Variants in RBPJ observed in about 807,000 individuals in gnomAD.
RBPJ encodes the protein recombination signal binding protein for immunoglobulin kappa J region, also known as recombining binding protein suppressor of hairless.
Under a neutral mutation model 67.8 loss-of-function variants are expected in RBPJ, and 9 were observed. The observed-to-expected ratio is 0.13, with a 90% CI of 0.08 to 0.23. The LOEUF (loss-of-function observed/expected upper bound fraction) is 0.23, where lower values mean the gene tolerates loss of function less well. Ranked by LOEUF, RBPJ falls within the 10% of genes least tolerant of loss-of-function variation. The pLI is 1.00. For synonymous variants in RBPJ, 198 were observed against 203.3 expected, an observed-to-expected ratio of 0.97 and a Z score of 0.22; for missense variants, 305 against 595.6, an observed-to-expected ratio of 0.51 and a Z score of 5.08.
At chr4:26,117,738 C>G in the RBPJ span, among the ~76,000 whole-genome samples, 1 of 152,146 alleles carries the variant, frequency 6.6e-6, no homozygotes, top group African/African-American at 2.4e-5. Flanking sequence ...AGGAGAGATA[C>G]TAATGCTTGG....
Position 26,424,260 on chromosome 4 carries a change from C to T in RBPJ, c.497-82C>T. 1.5e-6 allele frequency: 2 copies of T among 1,313,340 alleles called. No individual in the cohort carries two copies. The highest frequency in any genetic ancestry group is 1.9e-5 in the Admixed American group (1 of 53,848). 81.4% of individuals were successfully genotyped at this position (1,313,340 alleles called of 1,614,324 possible). A position where few individuals can be genotyped will look rare whatever the true frequency, so the allele number is the denominator to read the frequency against. On this transcript the variant is annotated intron_variant, in intron 5 of 10. Coordinates refer to ENST00000355476, the MANE Select transcript of RBPJ (RefSeq NM_015874.6). The surrounding 1 kb of genome is among the most constrained non-coding windows in gnomAD (Gnocchi z 5.3). Reference sequence around the variant, plus strand: ...AATGATAAGAAAGAATAATTATACACTGCCAAGCAGAATTTCCTTCTTTTG... The same window carrying T: ...AATGATAAGAAAGAATAATTATACATTGCCAAGCAGAATTTCCTTCTTTTG...
chr4:26,421,426 C>A (rs1357374659), intron 5 of RBPJ, among the ~76,000 whole-genome samples: 1 of 152,072 alleles, frequency 6.6e-6, no homozygotes, highest in Non-Finnish European at 1.5e-5. Flanking sequence ...GCCTCAGCCT[C>A]CTGAGTAGCT....
intron 1 of RBPJ, among the ~76,000 whole-genome samples, chr4:26,275,141 G>A (rs913281370): frequency 1.5e-4 from 23 of 152,200 alleles, no homozygotes; most frequent in African/African-American, 5.3e-4. Flanking sequence ...CTGAGGCACA[G>A]AGCATTTGCA....
At chr4:26,144,565 C>T in the RBPJ span, among the ~76,000 whole-genome samples, 336 of 152,278 alleles carry the variant, frequency 2.2e-3, 5 homozygotes, top group African/African-American at 8.0e-3. Flanking sequence ...TCACTGCACC[C>T]AGCCTAAAAA....
At position 26,399,280 on chromosome 4, in the gene RBPJ, A is replaced by T. The variant is rs1264934054; in HGVS notation, c.60-6895A>T. The stretch of plus-strand genomic sequence containing the variant: ...TTATGAACTAATTGTCAAATTTATG[A>T]AGAGTTTCTAATCTTTATTTTTCTT... On this transcript the variant is annotated intron_variant, in intron 2 of 10. Transcript: ENST00000355476. Among the ~76,000 whole-genome samples the T allele has an allele frequency of 5.9e-5, 9 of 152,224 alleles. No individual in the cohort carries two copies. In the East Asian group the frequency reaches 1.7e-3, roughly 29 times the overall value.
chr4:26,316,714 C>T (rs1279902167), upstream of RBPJ, among the ~76,000 whole-genome samples: 1 of 144,300 alleles, frequency 6.9e-6, no homozygotes, highest in African/African-American at 2.6e-5. Flanking sequence ...TATATATACA[C>T]ACACACACAT....
the RBPJ span, among the ~76,000 whole-genome samples, chr4:26,156,171 C>T: frequency 6.6e-6 from 1 of 152,012 alleles, no homozygotes; most frequent in Non-Finnish European, 1.5e-5. Context: ...TATAAAAATA[C>T]CTAGTGCACA....
rs539792394 is a variant in RBPJ at position 26,406,129 on chromosome 4, T to C, written c.60-46T>C. The C allele has an allele frequency of 2.5e-5, 31 of 1,234,790 alleles. No homozygotes were observed. The African/African-American group carries it at 4.6e-4, about 18-fold the overall frequency. 76.5% of individuals were successfully genotyped at this position (1,234,790 alleles called of 1,614,324 possible). ...AGCGTAGTAATGATGAAAGATTTCA[T>C]CAAGAATTTCACCTCTGTAACAGTA... On this transcript the variant is annotated intron_variant, in intron 2 of 10. Coordinates refer to ENST00000355476, the MANE Select transcript of RBPJ (RefSeq NM_015874.6).
At position 26,385,042 on chromosome 4, in the gene RBPJ, A is replaced by T. The variant is rs111569255; in HGVS notation, c.21-1311A>T. On this transcript the variant is annotated intron_variant, in intron 1 of 10. Transcript: ENST00000355476. ...TTTCCTCTCGTCTTTCCTCTTTTTGATGGAGTCCTGCTCTGTCTCTCATGC... is the reference window on the plus strand; with the variant it reads ...TTTCCTCTCGTCTTTCCTCTTTTTGTTGGAGTCCTGCTCTGTCTCTCATGC... 2.3e-3 allele frequency among the ~76,000 whole-genome samples: 289 copies of T among 128,370 alleles called. 2 individuals carry two copies. The highest frequency in any genetic ancestry group is 8.3e-3 in the African/African-American group (277 of 33,200). The allele number at this position is 128,370 out of a possible 152,430, so 84.2% of individuals were successfully genotyped here. A position where few individuals can be genotyped will look rare whatever the true frequency, so the allele number is the denominator to read the frequency against.
the RBPJ span, among the ~76,000 whole-genome samples, chr4:26,143,688 A>T: frequency 6.6e-6 from 1 of 152,212 alleles, no homozygotes; most frequent in African/African-American, 2.4e-5. Context: ...GCACTTTGGG[A>T]GGCCAAGGCA....
At chr4:26,299,573 G>A (rs1237848820) in intron 1 of RBPJ, among the ~76,000 whole-genome samples, 1 of 151,434 alleles carries the variant, frequency 6.6e-6, no homozygotes, top group Non-Finnish European at 1.5e-5. Context: ...AAAGATTTTC[G>A]GCATATAAAT....
At chr4:26,176,393 C>T (rs1716796578) in intron 1 of RBPJ, among the ~76,000 whole-genome samples, 1 of 152,062 alleles carries the variant, frequency 6.6e-6, no homozygotes, top group African/African-American at 2.4e-5. Flanking sequence ...CACAAGAATC[C>T]AAGTCTTAAA....
At chr4:26,185,852 C>G (rs1717229455) in intron 1 of RBPJ, among the ~76,000 whole-genome samples, 1 of 152,132 alleles carries the variant, frequency 6.6e-6, no homozygotes, top group Non-Finnish European at 1.5e-5. Context: ...CTGAGGCCAG[C>G]CTGGCCAACA....
intron 3 of RBPJ, among the ~76,000 whole-genome samples, chr4:26,411,893 G>T (rs1734055203): frequency 6.6e-6 from 1 of 151,230 alleles, no homozygotes; most frequent in Non-Finnish European, 1.5e-5. Context: ...GGATCACGAG[G>T]TCAGGAGATC....
intron 1 of RBPJ, among the ~76,000 whole-genome samples, chr4:26,355,455 C>G (rs1480913747): frequency 6.7e-6 from 1 of 149,228 alleles, no homozygotes; most frequent in African/African-American, 2.5e-5. Flanking sequence ...TGAGACCATC[C>G]TGGGCAACAT....
At chr4:26,340,085 T>A (rs2109393167) in intron 1 of RBPJ, among the ~76,000 whole-genome samples, 1 of 152,276 alleles carries the variant, frequency 6.6e-6, no homozygotes, top group Middle Eastern at 3.4e-3. Context: ...TACTTACCAG[T>A]ACTATATGCT....
At chr4:26,251,920 A>AACGTTCTCAC (rs1720127620) in intron 1 of RBPJ, among the ~76,000 whole-genome samples, 1 of 151,984 alleles carries the variant, frequency 6.6e-6, no homozygotes, top group South Asian at 2.1e-4. Flanking sequence ...AAAAGTCAAT[A>AACGTTCTCAC]ACGTTCTCAC....
intron 1 of RBPJ, among the ~76,000 whole-genome samples, chr4:26,279,814 G>A (rs1339268927): frequency 6.9e-6 from 1 of 144,402 alleles, no homozygotes; most frequent in Non-Finnish European, 1.5e-5. Flanking sequence ...TTGAAACAAG[G>A]TCTTGTTTTG....
chr4:26,243,118 T>C (rs939511609), intron 1 of RBPJ, among the ~76,000 whole-genome samples: 1 of 151,886 alleles, frequency 6.6e-6, no homozygotes, highest in East Asian at 1.9e-4. Context: ...TCCCATCTAC[T>C]CGGGAGGCTG....
Sources: gnomAD v4.1 joint callset for allele counts (sites outside exome capture counted in the v4.1 genomes callset) on GRCh38, gnomAD v4.1.1 for gene constraint, Gnocchi (gnomAD v3.1) non-coding constraint, MANE v1.5 for transcripts, NCBI Gene and HGNC (gene_info 2026-07-23, HGNC 2026-07-21) for gene names.